GALNT13: variants seen among roughly 807,000 people sequenced by gnomAD.
The protein encoded by GALNT13 is polypeptide N-acetylgalactosaminyltransferase 13, also known as UDP-GalNAc:polypeptide N-acetylgalactosaminyltransferase 13.
A neutral mutation model predicts 64.2 loss-of-function variants in GALNT13; 28 were observed. The ratio of observed to expected loss-of-function variants is 0.44; its 90% CI spans 0.32 to 0.60. GALNT13 has a LOEUF of 0.60. Ranked by LOEUF, GALNT13 falls within the 20% of genes least tolerant of loss-of-function variation. The pLI, the probability that GALNT13 is intolerant of heterozygous loss-of-function variation, is 0.05. For synonymous variants in GALNT13, 214 were observed against 224.6 expected (o/e 0.95, Z 0.42); for missense variants, 577 against 669.8 (o/e 0.86, Z 1.53).
At chr2:154,072,927 C>G (rs1006977732) in intron 3 of GALNT13, among the ~76,000 whole-genome samples, 1 of 151,976 alleles carries the variant, frequency 6.6e-6, no homozygotes, top group African/African-American at 2.4e-5. Context: ...TTCATGACTT[C>G]AGGATATTAA....
rs74359033 is a variant in GALNT13 at position 153,951,174 on chromosome 2, C to G, written c.142+6535C>G. On this transcript the variant is annotated intron_variant, in intron 3 of 12. Coordinates refer to ENST00000392825, the MANE Select transcript of GALNT13 (RefSeq NM_052917.4). ...ACTGACTGTAGGGTATTATTACAGT[C>G]CTAGATTTGATTTGGATATGGGTTT... Among the ~76,000 whole-genome samples, 3 of 152,028 alleles carry G rather than the reference C, an allele frequency of 2.0e-5. No individual in the cohort carries two copies. The East Asian group carries it at 5.8e-4, about 29-fold the overall frequency.
the GALNT13 span, among the ~76,000 whole-genome samples, chr2:153,334,238 A>G: frequency 2.6e-5 from 4 of 152,234 alleles, no homozygotes; most frequent in East Asian, 7.7e-4. Flanking sequence ...TACAATGGGC[A>G]ATATTGAGAT....
intron 3 of GALNT13, among the ~76,000 whole-genome samples, chr2:153,945,697 CAG>C (rs1433989287): frequency 1.3e-5 from 2 of 152,056 alleles, no homozygotes; most frequent in Non-Finnish European, 2.9e-5. Flanking sequence ...TTTAGGGAAA[CAG>C]AAGAGCATTT....
chr2:154,077,846 G>A (rs183412311), intron 3 of GALNT13, among the ~76,000 whole-genome samples: 296 of 151,556 alleles, frequency 2.0e-3, no homozygotes, highest in Admixed American at 3.6e-3. Context: ...AGGTTACACA[G>A]CATTTTTTTA....
the GALNT13 span, among the ~76,000 whole-genome samples, chr2:153,244,726 T>G: frequency 6.6e-6 from 1 of 152,176 alleles, no homozygotes; most frequent in African/African-American, 2.4e-5. Flanking sequence ...AGTTTTGTGC[T>G]TGAAACCCAG....
the GALNT13 span, among the ~76,000 whole-genome samples, chr2:153,771,100 C>T: frequency 1.3e-5 from 2 of 152,162 alleles, no homozygotes; most frequent in African/African-American, 4.8e-5. Context: ...GCTCCTAATC[C>T]ATGCAAGTAT....
chr2:154,352,194 C>T (rs1219858893), intron 9 of GALNT13, among the ~76,000 whole-genome samples: 1 of 152,114 alleles, frequency 6.6e-6, no homozygotes, highest in African/African-American at 2.4e-5. Flanking sequence ...ATTGCTGCAC[C>T]TGCCTCAATC....
chr2:153,411,848 CAACTT>C, the GALNT13 span, among the ~76,000 whole-genome samples: 3 of 152,128 alleles, frequency 2.0e-5, no homozygotes, highest in African/African-American at 7.2e-5. Context: ...TACTGAGTGT[CAACTT>C]GATTGGATTG....
the GALNT13 span, among the ~76,000 whole-genome samples, chr2:153,175,449 G>A: frequency 1.3e-5 from 2 of 152,146 alleles, no homozygotes; most frequent in African/African-American, 2.4e-5. Flanking sequence ...TTCAAACTTA[G>A]TGTTAAGTAG....
intron 3 of GALNT13, among the ~76,000 whole-genome samples, chr2:154,118,035 T>G (rs1245825698): frequency 1.2e-4 from 19 of 152,228 alleles, no homozygotes; most frequent in Admixed American, 1.2e-3. Flanking sequence ...AGATCCATTT[T>G]GTCTACAATG....
At chr2:153,165,214 A>G in the GALNT13 span, among the ~76,000 whole-genome samples, 2 of 152,208 alleles carry the variant, frequency 1.3e-5, no homozygotes, top group African/African-American at 4.8e-5. Flanking sequence ...TAAACACAGT[A>G]TTGTTTCATT....
chr2:153,945,416 A>G lies in GALNT13; in HGVS notation c.142+777A>G, dbSNP rs1237047024. ...AAATTCAATACTTCTAAAATATGTA[A>G]GAGTACTCAAAATTAGTTTTATTCT... On this transcript the variant is annotated intron_variant, in intron 3 of 12. Coordinates refer to ENST00000392825, the MANE Select transcript of GALNT13 (RefSeq NM_052917.4). 3.9e-5 allele frequency among the ~76,000 whole-genome samples: 6 copies of G among 152,090 alleles called. No individual in the cohort carries two copies. The East Asian group carries it at 9.6e-4, about 24-fold the overall frequency.
chr2:153,840,533 A>T, the GALNT13 span, among the ~76,000 whole-genome samples: 4 of 152,120 alleles, frequency 2.6e-5, no homozygotes, highest in East Asian at 7.7e-4. Context: ...TTCCCATATG[A>T]AAGATATGGT....
chr2:153,095,857 T>A, the GALNT13 span, among the ~76,000 whole-genome samples: 1 of 150,282 alleles, frequency 6.7e-6, no homozygotes, highest in Non-Finnish European at 1.5e-5. Context: ...GGACACAGGA[T>A]GGGGAACATC....
At chr2:153,150,162 A>G in the GALNT13 span, among the ~76,000 whole-genome samples, 41 of 152,030 alleles carry the variant, frequency 2.7e-4, no homozygotes, top group African/African-American at 9.9e-4. Flanking sequence ...CTGATGTACT[A>G]TATTATTTGA....
chr2:153,630,807 A>ATATTTAT, the GALNT13 span, among the ~76,000 whole-genome samples: 1 of 21,990 alleles, frequency 4.5e-5, no homozygotes, highest in Non-Finnish European at 7.5e-5. Flanking sequence ...ATATATATAT[A>ATATTTAT]TTTTTTTTTT....
At chr2:153,670,531 A>T in the GALNT13 span, among the ~76,000 whole-genome samples, 3 of 152,234 alleles carry the variant, frequency 2.0e-5, no homozygotes, top group Admixed American at 2.0e-4. Context: ...ATCTACACCA[A>T]AACCCTATCC....
At chr2:153,330,154 C>A in the GALNT13 span, among the ~76,000 whole-genome samples, 1 of 152,088 alleles carries the variant, frequency 6.6e-6, no homozygotes, top group Non-Finnish European at 1.5e-5. Flanking sequence ...TTTGTACCAG[C>A]CAACTGCCAT....
the GALNT13 span, among the ~76,000 whole-genome samples, chr2:153,806,307 T>C: frequency 6.6e-6 from 1 of 152,086 alleles, no homozygotes; most frequent in Non-Finnish European, 1.5e-5. Flanking sequence ...GAATAATTTG[T>C]ACTTTAATAA....
Sources: allele counts gnomAD v4.1 joint callset (sites outside exome capture counted in the v4.1 genomes callset), GRCh38; gene constraint gnomAD v4.1.1; transcripts MANE v1.5; gene names NCBI Gene and HGNC (gene_info 2026-07-23, HGNC 2026-07-21).